Variants in LGALSL observed in about 807,000 individuals in gnomAD.
LGALSL encodes galectin like.
LGALSL carries 13 observed loss-of-function variants against 19.5 expected under a neutral mutation model. The observed-to-expected ratio is 0.67, with a 90% CI of 0.43 to 1.06. The LOEUF is 1.06. Ranked by LOEUF, LGALSL falls within the 50% of genes least tolerant of loss-of-function variation. The probability of loss-of-function intolerance (pLI) is 0.00; values close to 1 mark genes in which losing one functional copy is unlikely to be tolerated. For missense variants in LGALSL, 189 were observed against 219.3 expected (o/e 0.86, Z 0.87); for synonymous variants, 86 against 78.3 (o/e 1.10, Z -0.52).
Position 64,458,164 on chromosome 2 carries a change from A to C in LGALSL, c.376-121A>C, listed in dbSNP as rs567698255. Reference sequence around the variant, plus strand: ...TTCTAACAAGCCCTCTGCAGGTCTCAATGCATTCTGATGTTTGTGAACCAC... The same window carrying C: ...TTCTAACAAGCCCTCTGCAGGTCTCCATGCATTCTGATGTTTGTGAACCAC... On this transcript the variant is annotated intron_variant, in intron 4 of 4. Coordinates refer to ENST00000238875, the MANE Select transcript of LGALSL (RefSeq NM_014181.3). 38 of 894,112 alleles carry C rather than the reference A, an allele frequency of 4.3e-5. No homozygotes were observed. The African/African-American group carries it at 6.3e-4, about 15-fold the overall frequency. The allele number at this position is 894,112 out of a possible 1,614,324, so 55.4% of individuals were successfully genotyped here.
Position 64,459,411 on chromosome 2 carries a change from A to G in LGALSL, c.*983A>G, listed in dbSNP as rs1686783662. The G allele has an allele frequency of 6.6e-6, 1 of 152,202 alleles. No homozygotes were observed. Among genetic ancestry groups the G allele is most frequent in the South Asian group, 2.1e-4 (1 of 4,836 alleles). 9.4% of individuals were successfully genotyped at this position (152,202 alleles called of 1,614,324 possible). On this transcript the variant is annotated 3_prime_UTR_variant, in exon 5 of 5. Transcript: ENST00000238875. ...TATAGTATAAACTTTTAAAAGAATA[A>G]TATGAAAATGACTGTGGAATGCAGT...
chr2:64,457,126 G>A lies in LGALSL; in HGVS notation c.375+661G>A, dbSNP rs1686748746. 2.0e-5 allele frequency among the ~76,000 whole-genome samples: 3 copies of A among 152,156 alleles called. 1 individual carries two copies. The highest frequency in any genetic ancestry group is 2.0e-4 in the Admixed American group (3 of 15,272). On this transcript the variant is annotated intron_variant, in intron 4 of 4. Transcript: ENST00000238875. ...AGCCCCTTCCTCTATGAAAGGCAAT[G>A]CCAAATAAGAGATGCAGGTAGTGGC... is the stretch of plus-strand genomic sequence containing the variant.
intron 4 of LGALSL, among the ~76,000 whole-genome samples, chr2:64,457,390 C>T (rs1572899736): frequency 6.6e-6 from 1 of 151,438 alleles, no homozygotes; most frequent in Admixed American, 6.6e-5. Flanking sequence ...CATCACTGCA[C>T]TCCAGCCTGG....
At chr2:64,456,881 T>C (rs1190520895) in intron 4 of LGALSL, among the ~76,000 whole-genome samples, 1 of 152,218 alleles carries the variant, frequency 6.6e-6, no homozygotes, top group Non-Finnish European at 1.5e-5. Flanking sequence ...AAGAATATGA[T>C]GATGATCATT....
Position 64,460,851 on chromosome 2 carries a change from GA to G in LGALSL, c.*2424del, listed in dbSNP as rs1218673394. 2.0e-5 allele frequency: 3 copies of G among 152,140 alleles called. No individual in the cohort carries two copies. The highest frequency in any genetic ancestry group is 4.4e-5 in the Non-Finnish European group (3 of 68,018). The allele number at this position is 152,140 out of a possible 1,614,324, so 9.4% of individuals were successfully genotyped here. On this transcript the variant is annotated 3_prime_UTR_variant, in exon 5 of 5. Transcript: ENST00000238875. ...TTCGGGTATGTAAGGTGTTATTTCT[GA>G]CCAGAGCCCTAGTTCTGCAATAACC...
At position 64,460,412 on chromosome 2, in the gene LGALSL, T is replaced by G. The variant is rs1686806876; in HGVS notation, c.*1984T>G. On this transcript the variant is annotated 3_prime_UTR_variant, in exon 5 of 5. Coordinates refer to ENST00000238875, the MANE Select transcript of LGALSL (RefSeq NM_014181.3). ...ACCTTGAAATACATTTGTGGAGTTT[T>G]GATCCAACTTATGGTGGAAGAGCCC... 1 of 152,214 alleles carries G rather than the reference T, an allele frequency of 6.6e-6. No individual in the cohort carries two copies. Among genetic ancestry groups the G allele is most frequent in the Admixed American group, 6.5e-5 (1 of 15,270 alleles). 9.4% of individuals were successfully genotyped at this position (152,214 alleles called of 1,614,324 possible). A position where few individuals can be genotyped will look rare whatever the true frequency, so the allele number is the denominator to read the frequency against.
chr2:64,455,350 G>A lies in LGALSL; in HGVS notation c.43G>A (p.Asp15Asn), dbSNP rs147511958. 3.6e-5 allele frequency: 58 copies of A among 1,611,922 alleles called. No individual in the cohort carries two copies. The highest frequency in any genetic ancestry group is 4.8e-5 in the Non-Finnish European group (57 of 1,178,124). ...TGTGTACTTCTATTTTTAGAAACTA[G>A]ATGATGGCCATTTAAACAACTCTTT... ...VADSDAVVKL[D>N]DGHLNNSLSS... is the part of the protein sequence containing the mutation. The change falls in exon 2 of 5, where the codon GAT (aspartate) becomes AAT (asparagine). Residue 15 changes from aspartate (D) to asparagine (N), a missense_variant. Around this residue, in one of 3 missense-constraint regions of LGALSL, gnomAD observed 62 missense variants for 49.0 expected, o/e 1.27. Transcript: ENST00000238875.
chr2:64,456,410 G>A lies in LGALSL; in HGVS notation c.320G>A (p.Gly107Asp). The A allele has an allele frequency of 1.2e-6, 2 of 1,609,186 alleles. No individual in the cohort carries two copies. Among genetic ancestry groups the A allele is most frequent in the Non-Finnish European group, 1.7e-6 (2 of 1,177,586 alleles). ...AATTCTTGTATATCTGGGGAGAGGG[G>A]TGAAGAACAGTCAGCAATCCCTTAC... ...LRNSCISGER[G>D]EEQSAIPYFP... Residue 107 changes from glycine to aspartate, a missense_variant, in exon 4 of 5, where the codon GGT becomes GAT. Physicochemically the swap from Gly to Asp is moderately conservative, Grantham distance 94 (BLOSUM62 -1). Transcript: ENST00000238875.
Position 64,461,182 on chromosome 2 carries a change from AGGAG to A in LGALSL, c.*2759_*2762del, listed in dbSNP as rs748545742. 3 of 152,220 alleles carry A rather than the reference AGGAG, an allele frequency of 2.0e-5. No individual in the cohort carries two copies. The highest frequency in any genetic ancestry group is 4.4e-5 in the Non-Finnish European group (3 of 68,034). 9.4% of individuals were successfully genotyped at this position (152,220 alleles called of 1,614,324 possible). ...GTTAAAAAGAAAATACCCAAAAGGA[AGGAG>A]GGAGCCCTGTTTGCCTTGAGATAAA... On this transcript the variant is annotated 3_prime_UTR_variant, in exon 5 of 5. Coordinates refer to ENST00000238875, the MANE Select transcript of LGALSL (RefSeq NM_014181.3).
rs1572898290 is a variant in LGALSL, at chr2:64,454,402, G to A, written c.-144G>A. The A allele has an allele frequency of 5.3e-6, 2 of 379,738 alleles. No homozygotes were observed. The highest frequency in any genetic ancestry group is 9.1e-6 in the Non-Finnish European group (2 of 219,602). The allele number at this position is 379,738 out of a possible 1,614,324, so 23.5% of individuals were successfully genotyped here. ...CCTGCCAGGTCGGCGCCGGGCCCCG[G>A]GCGCGCGCGCGCGCGCCCCCTCGTG... On this transcript the variant is annotated 5_prime_UTR_variant, in exon 1 of 5. Transcript: ENST00000238875. The surrounding 1 kb of genome is among the most constrained non-coding windows in gnomAD (Gnocchi z 5.1).
Position 64,455,583 on chromosome 2 carries a change from T to G in LGALSL, c.109-6T>G. On this transcript the variant is annotated splice_polypyrimidine_tract_variant and splice_region_variant and intron_variant, in intron 2 of 4. Coordinates refer to ENST00000238875, the MANE Select transcript of LGALSL (RefSeq NM_014181.3). ...AAATTCATTTTTCTTCTCCCACCCT[T>G]TTCAGATAGTTCCATTTTGTGGGCA... The G allele has an allele frequency of 6.2e-7, 1 of 1,613,086 alleles. No individual in the cohort carries two copies. The highest frequency in any genetic ancestry group is 1.1e-5 in the South Asian group (1 of 91,034).
In LGALSL at chr2:64,455,970, G is replaced by A. The variant is rs549999955; in HGVS notation, c.197+293G>A. On this transcript the variant is annotated intron_variant, in intron 3 of 4. Transcript: ENST00000238875. ...TAATGGTTTTGAAACATGGTGCCAG[G>A]AGCAAGAACTATCAAGATGAATAAG... 4.0e-5 allele frequency among the ~76,000 whole-genome samples: 6 copies of A among 151,282 alleles called. No homozygotes were observed. The South Asian group carries it at 1.3e-3, about 32-fold the overall frequency.
chr2:64,454,223 C>T lies in LGALSL; in HGVS notation c.-323C>T, dbSNP rs571007016. On this transcript the variant is annotated 5_prime_UTR_variant, in exon 1 of 5. The change creates a new upstream start codon in the 5' untranslated region. Coordinates refer to ENST00000238875, the MANE Select transcript of LGALSL (RefSeq NM_014181.3). This position sits in a 1 kb window ranked among gnomAD's most constrained non-coding sequence, Gnocchi z 5.1. The stretch of plus-strand genomic sequence containing the variant: ...AATGCTGCCCAGGGCCGACGCGGCA[C>T]GGCCCTCGCCACTTTTCTTGGTCGG... 7.6e-6 allele frequency: 3 copies of T among 395,206 alleles called. No individual in the cohort carries two copies. Among genetic ancestry groups the T allele is most frequent in the African/African-American group, 6.2e-5 (3 of 48,472 alleles). 24.5% of individuals were successfully genotyped at this position (395,206 alleles called of 1,614,324 possible).
chr2:64,454,503 C>T lies in LGALSL; in HGVS notation c.-43C>T. 1 of 1,322,076 alleles carries T rather than the reference C, an allele frequency of 7.6e-7. No homozygotes were observed. Among genetic ancestry groups the T allele is most frequent in the Non-Finnish European group, 9.7e-7 (1 of 1,025,888 alleles). 81.9% of individuals were successfully genotyped at this position (1,322,076 alleles called of 1,614,324 possible). On this transcript the variant is annotated 5_prime_UTR_variant, in exon 1 of 5. Transcript: ENST00000238875. The surrounding 1 kb of genome is among the most constrained non-coding windows in gnomAD (Gnocchi z 5.1). ...CGCAGGACAGCCCCGGGATCCCCGC[C>T]CGCGCGCCGCGTCCCACGTACCCCG...
rs1686796564 is a variant in LGALSL at position 64,460,223 on chromosome 2, A to G, written c.*1795A>G. On this transcript the variant is annotated 3_prime_UTR_variant, in exon 5 of 5. Transcript: ENST00000238875. The stretch of plus-strand genomic sequence containing the variant: ...ATATAAGAAGACACTGTATCCAACA[A>G]GACTGGCTGTACATTGAAAAGCTTT... 1 of 152,234 alleles carries G rather than the reference A, an allele frequency of 6.6e-6. No individual in the cohort carries two copies. Among genetic ancestry groups the G allele is most frequent in the Admixed American group, 6.5e-5 (1 of 15,280 alleles). 9.4% of individuals were successfully genotyped at this position (152,234 alleles called of 1,614,324 possible).
In LGALSL at chr2:64,454,444, G is replaced by C; in HGVS notation, c.-102G>C. On this transcript the variant is annotated 5_prime_UTR_variant, in exon 1 of 5. Transcript: ENST00000238875. This position sits in a 1 kb window ranked among gnomAD's most constrained non-coding sequence, Gnocchi z 5.1. ...CCCCTCGTGTGTGCGCGCGCCCGCC[G>C]CCAGCTCGGACCCGCGCCCCCGCCC... 3 of 521,918 alleles carry C rather than the reference G, an allele frequency of 5.7e-6. No individual in the cohort carries two copies. Among genetic ancestry groups the C allele is most frequent in the Non-Finnish European group, 8.1e-6 (3 of 368,664 alleles). The allele number at this position is 521,918 out of a possible 1,614,324, so 32.3% of individuals were successfully genotyped here.
In LGALSL at chr2:64,455,298, C is replaced by G. The variant is rs766625995; in HGVS notation, c.37-46C>G. 2.2e-6 allele frequency: 3 copies of G among 1,337,124 alleles called. No homozygotes were observed. The Admixed American group carries it at 5.0e-5, about 22-fold the overall frequency. The allele number at this position is 1,337,124 out of a possible 1,614,324, so 82.8% of individuals were successfully genotyped here. ...TGTGTGGGTTCTTCCTCCAGCCCCC[C>G]AAAAAAGAGCCCATGGAAAGCCAAT... is the stretch of plus-strand genomic sequence containing the variant. On this transcript the variant is annotated intron_variant, in intron 1 of 4. Coordinates refer to ENST00000238875, the MANE Select transcript of LGALSL (RefSeq NM_014181.3).
At position 64,461,189 on chromosome 2, in the gene LGALSL, A is replaced by G. The variant is rs548023618; in HGVS notation, c.*2761A>G. 2 of 152,314 alleles carry G rather than the reference A, an allele frequency of 1.3e-5. No individual in the cohort carries two copies. The highest frequency in any genetic ancestry group is 2.1e-4 in the South Asian group (1 of 4,826). The allele number at this position is 152,314 out of a possible 1,614,324, so 9.4% of individuals were successfully genotyped here. Reference sequence around the variant, plus strand: ...AGAAAATACCCAAAAGGAAGGAGGGAGCCCTGTTTGCCTTGAGATAAACGG... The same window carrying G: ...AGAAAATACCCAAAAGGAAGGAGGGGGCCCTGTTTGCCTTGAGATAAACGG... On this transcript the variant is annotated 3_prime_UTR_variant, in exon 5 of 5. Coordinates refer to ENST00000238875, the MANE Select transcript of LGALSL (RefSeq NM_014181.3).
chr2:64,457,189 G>A (rs1686749720), intron 4 of LGALSL, among the ~76,000 whole-genome samples: 1 of 152,166 alleles, frequency 6.6e-6, no homozygotes, highest in East Asian at 1.9e-4. Context: ...ACTTTGGGAG[G>A]CTGAGGCAAG....
Sources: gnomAD v4.1 joint callset for allele counts (sites outside exome capture counted in the v4.1 genomes callset) on GRCh38, gnomAD v4.1.1 for gene constraint, gnomAD v4.1.1 regional missense constraint, Gnocchi (gnomAD v3.1) non-coding constraint, MANE v1.5 for transcripts, NCBI Gene and HGNC (gene_info 2026-07-23, HGNC 2026-07-21) for gene names.